Variants in NAV2 observed in about 807,000 individuals in gnomAD.
NAV2 encodes the protein helicase, APC down-regulated 1.
In NAV2, 54 loss-of-function variants were observed where a neutral mutation model predicts 223.2. That is an observed-to-expected ratio of 0.24 (90% CI 0.19 to 0.30). NAV2 has a LOEUF of 0.30. Ranked by LOEUF, NAV2 falls within the 10% of genes least tolerant of loss-of-function variation. NAV2 has a pLI of 1.00. For synonymous variants in NAV2, 1,279 were observed against 1,239.3 expected (o/e 1.03, Z -0.67); for missense variants, 2,806 against 3,147.5 (o/e 0.89, Z 2.60).
At chr11:19,621,472 G>A (rs1284725607) in intron 1 of NAV2, among the ~76,000 whole-genome samples, 7 of 152,122 alleles carry the variant, frequency 4.6e-5, no homozygotes, top group Non-Finnish European at 7.3e-5. Context: ...CTTCTTCCTG[G>A]CTTAGTCTTG....
chr11:19,417,853 G>A (rs549846191), intron 1 of NAV2, among the ~76,000 whole-genome samples: 1 of 151,998 alleles, frequency 6.6e-6, no homozygotes, highest in Non-Finnish European at 1.5e-5. Flanking sequence ...CATCATTCTT[G>A]GTAAACTAAC....
chr11:20,094,109 C>T (rs1056601818), intron 29 of NAV2, among the ~76,000 whole-genome samples: 21 of 151,916 alleles, frequency 1.4e-4, no homozygotes, highest in Admixed American at 2.0e-4. Context: ...CATTTTGGCA[C>T]TTCCATTAGC....
At chr11:19,855,665 G>A (rs986515833) in intron 3 of NAV2, among the ~76,000 whole-genome samples, 4 of 152,208 alleles carry the variant, frequency 2.6e-5, no homozygotes, top group Non-Finnish European at 5.9e-5. Context: ...ACTTGTGCAT[G>A]CTTCTAGTGG....
intron 1 of NAV2, among the ~76,000 whole-genome samples, chr11:19,762,424 T>C (rs1590361748): frequency 6.6e-6 from 1 of 152,162 alleles, no homozygotes. Flanking sequence ...TTCTAGACAT[T>C]TGTGGCTTCA....
At chr11:19,844,383 C>T (rs2152952164) in intron 3 of NAV2, among the ~76,000 whole-genome samples, 1 of 152,242 alleles carries the variant, frequency 6.6e-6, no homozygotes, top group South Asian at 2.1e-4. Context: ...CTATTTGGTG[C>T]ACCTCTATTC....
chr11:19,605,674 G>A (rs1251407732), intron 1 of NAV2, among the ~76,000 whole-genome samples: 2 of 152,144 alleles, frequency 1.3e-5, no homozygotes, highest in Non-Finnish European at 2.9e-5. Flanking sequence ...TCCTGGCATA[G>A]GCAGCCGCAC....
intron 1 of NAV2, among the ~76,000 whole-genome samples, chr11:19,687,775 G>T (rs1005712386): frequency 4.9e-5 from 2 of 41,104 alleles, no homozygotes; most frequent in African/African-American, 9.8e-5. Flanking sequence ...GTGCATGTGT[G>T]TATGCATGCG....
intron 11 of NAV2, chr11:20,023,011 A>G: frequency 1.3e-6 from 2 of 1,511,808 alleles, no homozygotes; most frequent in Non-Finnish European, 1.8e-6. Context: ...TCCCTGGCCC[A>G]GTGTGGGCTG....
intron 10 of NAV2, among the ~76,000 whole-genome samples, chr11:19,966,837 A>G (rs2048808900): frequency 6.6e-6 from 1 of 152,154 alleles, no homozygotes; most frequent in South Asian, 2.1e-4. Flanking sequence ...ATCCTTGAAC[A>G]GAGGGATTGT....
At chr11:20,025,597 T>C (rs890650775) in intron 11 of NAV2, among the ~76,000 whole-genome samples, 8 of 152,208 alleles carry the variant, frequency 5.3e-5, no homozygotes, top group Non-Finnish European at 1.2e-4. Context: ...AATTTCATGC[T>C]TACTCAGGGG....
chr11:19,923,446 A>G lies in NAV2; in HGVS notation c.932-9730A>G, dbSNP rs7108058. Among the ~76,000 whole-genome samples the G allele has an allele frequency of 3.5e-3, 538 of 152,252 alleles. 5 individuals are homozygous for G. The highest frequency in any genetic ancestry group is 0.012 in the African/African-American group (506 of 41,548). On this transcript the variant is annotated intron_variant, in intron 6 of 37. Transcript: ENST00000349880. ...CTCCATTTTCCAAACTTACCTGACCATAGAATCTCTTCTTTCTTTTACTGT... is the reference window on the plus strand; with the variant it reads ...CTCCATTTTCCAAACTTACCTGACCGTAGAATCTCTTCTTTCTTTTACTGT...
rs72913655 is a variant in NAV2 at position 19,760,524 on chromosome 11, G to C, written c.267+46562G>C. ...AGCTCTGAGAAGAGACCATTTGCTG[G>C]TGACGAAGCACTGACTTGCCCCTTT... On this transcript the variant is annotated intron_variant, in intron 1 of 37. Coordinates refer to ENST00000349880, the MANE Select transcript of NAV2 (RefSeq NM_145117.5). 5.9e-3 allele frequency among the ~76,000 whole-genome samples: 902 copies of C among 152,342 alleles called. 6 individuals are homozygous for C. Among genetic ancestry groups the C allele is most frequent in the Middle Eastern group, 0.024 (7 of 294 alleles).
intron 1 of NAV2, among the ~76,000 whole-genome samples, chr11:19,828,228 T>A (rs376064838): frequency 1.3e-5 from 2 of 152,200 alleles, no homozygotes; most frequent in Non-Finnish European, 2.9e-5. Flanking sequence ...TTTTCACATA[T>A]ACAATTTAGT....
intron 21 of NAV2, 36 bp from the exon 22 acceptor site, chr11:20,068,288 C>G: frequency 1.2e-6 from 2 of 1,611,452 alleles, no homozygotes; most frequent in Non-Finnish European, 1.7e-6. Context: ...GAAATGGACC[C>G]CCAAAGCATG....
intron 10 of NAV2, among the ~76,000 whole-genome samples, chr11:19,976,218 G>T (rs1368971925): frequency 6.6e-6 from 1 of 152,126 alleles, no homozygotes; most frequent in Non-Finnish European, 1.5e-5. Flanking sequence ...TTATGGAAAT[G>T]TTGAGTCTGA....
chr11:19,623,464 C>T (rs2047069399), intron 1 of NAV2, among the ~76,000 whole-genome samples: 1 of 152,170 alleles, frequency 6.6e-6, no homozygotes, highest in South Asian at 2.1e-4. Context: ...TTGTTCCCTT[C>T]TTTTTACTCT....
intron 1 of NAV2, among the ~76,000 whole-genome samples, chr11:19,400,965 C>A (rs938320883): frequency 1.3e-5 from 2 of 151,886 alleles, no homozygotes; most frequent in Admixed American, 1.3e-4. Flanking sequence ...AGCTTTTTAG[C>A]ATTTGGTGTC....
chr11:19,671,641 G>A (rs984055800), intron 1 of NAV2, among the ~76,000 whole-genome samples: 2 of 152,228 alleles, frequency 1.3e-5, no homozygotes, highest in African/African-American at 4.8e-5. Context: ...TAGAGCAGGG[G>A]TTGGCAAATT....
rs1283203334 is a variant in NAV2 at position 20,118,473 on chromosome 11, A to G, written c.*215A>G. On this transcript the variant is annotated 3_prime_UTR_variant, in exon 38 of 38. Transcript: ENST00000349880. ...TTCCTTCCACAGCGAGAACTGCACT[A>G]CCTTCTGTTGTACTTTAATTATTGT... The G allele has an allele frequency of 3.6e-6, 2 of 563,004 alleles. No individual in the cohort carries two copies. Among genetic ancestry groups the G allele is most frequent in the East Asian group, 3.0e-5 (1 of 33,246 alleles). 34.9% of individuals were successfully genotyped at this position (563,004 alleles called of 1,614,324 possible).
Sources: gnomAD v4.1 joint callset for allele counts (sites outside exome capture counted in the v4.1 genomes callset) on GRCh38, gnomAD v4.1.1 for gene constraint, MANE v1.5 for transcripts, NCBI Gene and HGNC (gene_info 2026-07-23, HGNC 2026-07-21) for gene names.